Variants in NTM observed in about 807,000 individuals in gnomAD.
The protein encoded by NTM is IgLON family member 2.
A neutral mutation model predicts 42.1 loss-of-function variants in NTM; 13 were observed. The observed-to-expected ratio is 0.31, with a 90% CI of 0.20 to 0.49. The LOEUF (loss-of-function observed/expected upper bound fraction) is 0.49. Ranked by LOEUF, NTM falls within the 20% of genes least tolerant of loss-of-function variation. NTM has a pLI of 0.99. For synonymous variants in NTM, 187 were observed against 179.2 expected, an observed-to-expected ratio of 1.04 and a Z score of -0.35; for missense variants, 373 against 452.8, an observed-to-expected ratio of 0.82 and a Z score of 1.60.
chr11:132,104,492 C>G (rs2136623947), intron 2 of NTM, among the ~76,000 whole-genome samples: 1 of 151,914 alleles, frequency 6.6e-6, no homozygotes, highest in Non-Finnish European at 1.5e-5. Flanking sequence ...TGACTCACAT[C>G]TCTAATTCCA....
chr11:132,103,437 T>C (rs1458608719), intron 2 of NTM, among the ~76,000 whole-genome samples: 1 of 152,250 alleles, frequency 6.6e-6, no homozygotes, highest in Non-Finnish European at 1.5e-5. Flanking sequence ...ACGTTGAGAT[T>C]TGCAATCATG....
chr11:132,121,397 T>C (rs1038521084), intron 2 of NTM, among the ~76,000 whole-genome samples: 2 of 151,986 alleles, frequency 1.3e-5, no homozygotes, highest in Non-Finnish European at 2.9e-5. Flanking sequence ...AAAAAAAATA[T>C]GAATCTCGTA....
intron 4 of NTM, among the ~76,000 whole-genome samples, chr11:132,258,420 G>A (rs2092640673): frequency 1.3e-5 from 2 of 152,080 alleles, no homozygotes; most frequent in Admixed American, 1.3e-4. Context: ...GCTCGATGTT[G>A]CCAAATACTT....
chr11:132,203,731 A>G (rs2081508836), intron 3 of NTM, among the ~76,000 whole-genome samples: 1 of 152,096 alleles, frequency 6.6e-6, no homozygotes, highest in Admixed American at 6.5e-5. Context: ...CTCTACTAAA[A>G]ATAACACACA....
chr11:131,571,324 G>A (rs941001669), intron 1 of NTM, among the ~76,000 whole-genome samples: 2 of 152,176 alleles, frequency 1.3e-5, no homozygotes, highest in Non-Finnish European at 2.9e-5. Context: ...GGCTCCAAGC[G>A]CCGTACTTGA....
intron 1 of NTM, among the ~76,000 whole-genome samples, chr11:131,783,666 G>C (rs566209124): frequency 1.3e-5 from 2 of 152,022 alleles, no homozygotes; most frequent in Non-Finnish European, 2.9e-5. Flanking sequence ...GTTCATATAA[G>C]AGCAATAATT....
At chr11:131,713,786 G>A (rs1209885604) in intron 1 of NTM, among the ~76,000 whole-genome samples, 1 of 152,174 alleles carries the variant, frequency 6.6e-6, no homozygotes, top group African/African-American at 2.4e-5. Flanking sequence ...AGGGGCATAA[G>A]GCAGGAGAGA....
At chr11:131,753,781 T>C (rs1160423933) in intron 1 of NTM, among the ~76,000 whole-genome samples, 2 of 151,730 alleles carry the variant, frequency 1.3e-5, no homozygotes, top group African/African-American at 4.9e-5. Context: ...TTAGGAGATA[T>C]ACCTAATGCT....
At chr11:131,789,909 T>C (rs1266362566) in intron 1 of NTM, among the ~76,000 whole-genome samples, 1 of 127,694 alleles carries the variant, frequency 7.8e-6, no homozygotes, top group Non-Finnish European at 1.5e-5. Flanking sequence ...TGAGCCGAGA[T>C]CGCGCCACTG....
intron 2 of NTM, among the ~76,000 whole-genome samples, chr11:131,947,275 C>T (rs1201631459): frequency 6.6e-6 from 1 of 152,236 alleles, no homozygotes; most frequent in East Asian, 1.9e-4. Context: ...TTGTGTTCTC[C>T]GTACCTGGTA....
At chr11:131,761,214 C>T (rs1357484464) in intron 1 of NTM, among the ~76,000 whole-genome samples, 1 of 152,140 alleles carries the variant, frequency 6.6e-6, no homozygotes, top group Admixed American at 6.5e-5. Context: ...TCTGTGTGAA[C>T]ACATCCTATT....
intron 1 of NTM, among the ~76,000 whole-genome samples, chr11:131,605,037 C>A (rs1719447877): frequency 6.6e-6 from 1 of 151,444 alleles, no homozygotes; most frequent in Non-Finnish European, 1.5e-5. Context: ...ACTATTGTGT[C>A]TATTGTGGGT....
intron 3 of NTM, among the ~76,000 whole-genome samples, chr11:132,172,929 A>T (rs549683704): frequency 1.4e-4 from 21 of 152,350 alleles, no homozygotes; most frequent in African/African-American, 4.8e-4. Flanking sequence ...AGATCAATGT[A>T]GGAGGAAACC....
At chr11:132,250,596 C>G (rs1480416194) in intron 4 of NTM, among the ~76,000 whole-genome samples, 1 of 146,334 alleles carries the variant, frequency 6.8e-6, no homozygotes, top group Non-Finnish European at 1.5e-5. Context: ...ACACTATTCA[C>G]TTTTTTTTTT....
intron 1 of NTM, among the ~76,000 whole-genome samples, chr11:131,858,915 C>A (rs557427256): frequency 6.6e-6 from 1 of 152,168 alleles, no homozygotes; most frequent in African/African-American, 2.4e-5. Context: ...GTTTTAAATG[C>A]GGAAGTAGCT....
chr11:131,472,467 CTGTG>C (rs922155344), intron 1 of NTM, among the ~76,000 whole-genome samples: 2 of 152,040 alleles, frequency 1.3e-5, no homozygotes, highest in Middle Eastern at 3.2e-3. Context: ...CATTGAGTGT[CTGTG>C]TGAGTATGTG....
At chr11:131,687,778 G>T (rs1289564375) in intron 1 of NTM, among the ~76,000 whole-genome samples, 1 of 152,118 alleles carries the variant, frequency 6.6e-6, no homozygotes, top group African/African-American at 2.4e-5. Flanking sequence ...CCTGGGTCTG[G>T]TGGCGGAAGG....
intron 2 of NTM, among the ~76,000 whole-genome samples, chr11:132,016,559 A>G (rs1289258803): frequency 6.6e-6 from 1 of 151,944 alleles, no homozygotes; most frequent in Non-Finnish European, 1.5e-5. Flanking sequence ...TAGACATTTA[A>G]ATAGCTTCCA....
At chr11:132,141,233 TTCTGTCTCTCTC>T (rs923794766) in intron 2 of NTM, among the ~76,000 whole-genome samples, 2 of 151,644 alleles carry the variant, frequency 1.3e-5, no homozygotes, top group African/African-American at 4.9e-5. Context: ...CTCTCTCTCT[TTCTGTCTCTCTC>T]TCTCTCCCTC....
Sources: allele counts gnomAD v4.1 joint callset (sites outside exome capture counted in the v4.1 genomes callset), GRCh38; gene constraint gnomAD v4.1.1; transcripts MANE v1.5; gene names NCBI Gene and HGNC (gene_info 2026-07-23, HGNC 2026-07-21).